The following PRKACB variants were observed in gnomAD, a reference collection of about 807,000 sequenced individuals.
PRKACB encodes the protein cAMP-dependent protein kinase catalytic subunit beta.
PRKACB carries 16 observed loss-of-function variants against 51.4 expected under a neutral mutation model. That is an observed-to-expected ratio of 0.31 (90% CI 0.21 to 0.47). PRKACB has a LOEUF of 0.47. PRKACB is among the 20% of genes least tolerant of loss of function. The pLI is 1.00. For missense variants in PRKACB, 309 were observed against 464.5 expected (o/e 0.67, Z 3.08); for synonymous variants, 147 against 154.4 (o/e 0.95, Z 0.35).
chr1:84,221,394 A>T (rs1349637471), intron 9 of PRKACB, among the ~76,000 whole-genome samples: 1 of 151,040 alleles, frequency 6.6e-6, no homozygotes, highest in Non-Finnish European at 1.5e-5. Context: ...TAAAAAAAAA[A>T]CCTTTCATTT....
intron 6 of PRKACB, 57 bp from the exon 7 acceptor site, chr1:84,197,672 A>G (rs28730699): frequency 8.2e-4 from 955 of 1,171,088 alleles, no homozygotes; most frequent in Non-Finnish European, 8.7e-4. Context: ...TAGGTGCAAT[A>G]AATACATTTA....
At chr1:84,078,183 G>A in exon 1 of PRKACB, 1 of 888,202 alleles carries the variant, frequency 1.1e-6, no homozygotes, top group Admixed American at 3.0e-5. Flanking sequence ...CCCGGTCTTC[G>A]CGCCCGGACT....
At chr1:84,190,142 T>G (rs1172967678) in intron 5 of PRKACB, among the ~76,000 whole-genome samples, 1 of 151,972 alleles carries the variant, frequency 6.6e-6, no homozygotes, top group Non-Finnish European at 1.5e-5. Context: ...CATTCATATT[T>G]TGACTACTAG....
intron 1 of PRKACB, chr1:84,164,477 CG>C (rs1219422444): frequency 1.3e-6 from 2 of 1,541,632 alleles, no homozygotes; most frequent in Non-Finnish European, 1.8e-6. Flanking sequence ...ATGTAAAAAG[CG>C]TAGATTAGTG....
chr1:84,168,369 A>G (rs1658222421), intron 1 of PRKACB, among the ~76,000 whole-genome samples: 1 of 151,600 alleles, frequency 6.6e-6, no homozygotes, highest in Non-Finnish European at 1.5e-5. Flanking sequence ...TGAAAGCTTC[A>G]AAGTTTATGT....
intron 7 of PRKACB, among the ~76,000 whole-genome samples, chr1:84,201,103 A>G (rs1307418998): frequency 6.6e-6 from 1 of 152,120 alleles, no homozygotes; most frequent in Non-Finnish European, 1.5e-5. Flanking sequence ...GAATAGGAAC[A>G]TTTTTAAGGC....
intron 3 of PRKACB, 120 bp from the exon 4 acceptor site, chr1:84,183,917 T>G: frequency 9.3e-7 from 1 of 1,073,082 alleles, no homozygotes; most frequent in Non-Finnish European, 1.3e-6. Flanking sequence ...ATTATCTTCC[T>G]TATCCAATTC....
intron 9 of PRKACB, among the ~76,000 whole-genome samples, chr1:84,232,027 G>A (rs1329936619): frequency 1.5e-4 from 23 of 151,158 alleles, no homozygotes; most frequent in Non-Finnish European, 2.8e-4. Flanking sequence ...TGTCAATTTT[G>A]GATCTTTCCT....
At chr1:84,201,391 T>A (rs1005348291) in intron 7 of PRKACB, among the ~76,000 whole-genome samples, 3 of 152,064 alleles carry the variant, frequency 2.0e-5, no homozygotes, top group Admixed American at 6.6e-5. Context: ...AATTTAACAT[T>A]TTTCTTATTG....
chr1:84,154,679 T>G (rs1362103717), intron 1 of PRKACB, among the ~76,000 whole-genome samples: 1 of 151,070 alleles, frequency 6.6e-6, no homozygotes, highest in Non-Finnish European at 1.5e-5. Context: ...TACTAGCAAA[T>G]TAAATTCAAC....
At chr1:84,164,987 T>C in intron 1 of PRKACB, 1 of 1,547,300 alleles carries the variant, frequency 6.5e-7, no homozygotes, top group Non-Finnish European at 8.7e-7. Context: ...CAATATGTTT[T>C]GGAAAGGTTG....
At chr1:84,164,328 G>A in intron 1 of PRKACB, 2 of 1,541,340 alleles carry the variant, frequency 1.3e-6, no homozygotes, top group South Asian at 1.2e-5. Flanking sequence ...ATATCAGTGA[G>A]GTCCACAGCT....
upstream of PRKACB, among the ~76,000 whole-genome samples, chr1:84,143,768 A>C (rs1326438596): frequency 6.6e-6 from 1 of 152,202 alleles, no homozygotes; most frequent in African/African-American, 2.4e-5. Flanking sequence ...AATGAATTAG[A>C]AACATTCAAT....
At chr1:84,110,386 G>GTATA (rs199834863) in intron 1 of PRKACB, among the ~76,000 whole-genome samples, 48 of 151,236 alleles carry the variant, frequency 3.2e-4, no homozygotes, top group South Asian at 1.3e-3. Flanking sequence ...ATATATGTAA[G>GTATA]TATATATATA....
intron 1 of PRKACB, among the ~76,000 whole-genome samples, chr1:84,081,228 T>A (rs948890108): frequency 6.6e-6 from 1 of 152,074 alleles, no homozygotes; most frequent in African/African-American, 2.4e-5. Context: ...TTTAGAAGGG[T>A]CTTGGTTAAC....
intron 5 of PRKACB, among the ~76,000 whole-genome samples, chr1:84,189,175 GTTGA>G (rs1480251205): frequency 4.0e-5 from 6 of 151,810 alleles, no homozygotes; most frequent in Non-Finnish European, 1.5e-5. Context: ...TCATCTGAAA[GTTGA>G]TTGAGTACTT....
rs1247298919 is a variant in PRKACB at position 84,175,793 on chromosome 1, A to G, written c.188-3384A>G. 5.1e-6 allele frequency: 8 copies of G among 1,574,522 alleles called. No homozygotes were observed. The East Asian group carries it at 1.4e-4, about 27-fold the overall frequency. ...TCCTGCAAACAAATCTTGGGTGAACATGTAGATTCCTTTGGTATGCTCATT... is the reference window on the plus strand; with the variant it reads ...TCCTGCAAACAAATCTTGGGTGAACGTGTAGATTCCTTTGGTATGCTCATT... On this transcript the variant is annotated intron_variant, in intron 1 of 9. Transcript: ENST00000370685.
At chr1:84,164,431 T>C (rs1005540624) in intron 1 of PRKACB, 3 of 1,569,882 alleles carry the variant, frequency 1.9e-6, no homozygotes, top group Non-Finnish European at 2.6e-6. Context: ...GTGTGAGTAT[T>C]TGAAGAAAAC....
intron 1 of PRKACB, among the ~76,000 whole-genome samples, chr1:84,120,801 G>C (rs928623878): frequency 7.9e-5 from 12 of 151,610 alleles, no homozygotes; most frequent in African/African-American, 2.7e-4. Flanking sequence ...TTTTATAATT[G>C]ATAGTCATAG....
Sources: allele counts gnomAD v4.1 joint callset (sites outside exome capture counted in the v4.1 genomes callset), GRCh38; gene constraint gnomAD v4.1.1; transcripts MANE v1.5; gene names NCBI Gene and HGNC (gene_info 2026-07-23, HGNC 2026-07-21).